TESC: variants seen among roughly 807,000 people sequenced by gnomAD.
The protein encoded by TESC is tescalcin.
A neutral mutation model predicts 31.0 loss-of-function variants in TESC; 19 were observed. The observed-to-expected ratio is 0.61, with a 90% confidence interval of 0.43 to 0.90. The LOEUF (loss-of-function observed/expected upper bound fraction) is 0.90, where lower values mean the gene tolerates loss of function less well. Ranked by LOEUF, TESC falls within the 40% of genes least tolerant of loss-of-function variation. TESC has a pLI of 0.00. For missense variants in TESC, 248 were observed against 303.8 expected (o/e 0.82, Z 1.36); for synonymous variants, 109 against 114.8 (o/e 0.95, Z 0.32).
intron 2 of TESC, among the ~76,000 whole-genome samples, chr12:117,070,900 G>C (rs932791145): frequency 6.6e-6 from 1 of 152,168 alleles, no homozygotes; most frequent in African/African-American, 2.4e-5. Flanking sequence ...GAGCCTGGGA[G>C]GTCAAGGCTG....
chr12:117,066,274 T>C (rs1309237330), intron 2 of TESC, among the ~76,000 whole-genome samples: 1 of 146,448 alleles, frequency 6.8e-6, no homozygotes, highest in Non-Finnish European at 1.5e-5. Context: ...TGGTGCGATT[T>C]TGGCTCACTG....
chr12:117,062,125 G>T (rs1044901973), intron 2 of TESC, among the ~76,000 whole-genome samples: 1 of 152,038 alleles, frequency 6.6e-6, no homozygotes, highest in Non-Finnish European at 1.5e-5. Flanking sequence ...GCTAACCTAC[G>T]TACCCTCAAA....
chr12:117,042,592 G>A (rs905484068), intron 6 of TESC, among the ~76,000 whole-genome samples: 12 of 152,230 alleles, frequency 7.9e-5, no homozygotes, highest in African/African-American at 2.9e-4. Flanking sequence ...GCCAGAGGGT[G>A]GCCACAAGGA....
At chr12:117,042,851 C>A (rs992181001) in intron 6 of TESC, among the ~76,000 whole-genome samples, 8 of 152,202 alleles carry the variant, frequency 5.3e-5, no homozygotes. Context: ...CCCACGCAAC[C>A]ATTAACCATT....
chr12:117,058,127 C>T (rs1422910130), intron 2 of TESC, among the ~76,000 whole-genome samples: 1 of 152,026 alleles, frequency 6.6e-6, no homozygotes, highest in Non-Finnish European at 1.5e-5. Context: ...ACCTCAGACA[C>T]AAGAGTTGCT....
chr12:117,093,995 G>A (rs897572413), intron 1 of TESC, among the ~76,000 whole-genome samples: 2 of 152,048 alleles, frequency 1.3e-5, no homozygotes, highest in East Asian at 3.9e-4. Context: ...AACTGACTCA[G>A]GTGAATAATT....
intron 2 of TESC, among the ~76,000 whole-genome samples, chr12:117,064,169 G>A (rs1283721261): frequency 6.6e-6 from 1 of 152,098 alleles, no homozygotes; most frequent in Non-Finnish European, 1.5e-5. Context: ...CTCCCGCCTT[G>A]GCCTCCCAAA....
At chr12:117,059,465 G>C (rs772771786) in intron 2 of TESC, among the ~76,000 whole-genome samples, 5 of 152,206 alleles carry the variant, frequency 3.3e-5, no homozygotes, top group Admixed American at 6.5e-5. Flanking sequence ...AAAAGAAGGA[G>C]GTAGACTCGG....
Position 117,056,485 on chromosome 12 carries a change from A to G in TESC, c.209+321T>C, listed in dbSNP as rs553639317. 2.5e-3 allele frequency among the ~76,000 whole-genome samples: 373 copies of G among 151,646 alleles called. 3 individuals carry two copies. The highest frequency in any genetic ancestry group is 8.5e-3 in the African/African-American group (351 of 41,168). Reference sequence around the variant, plus strand: ...AACTTCTGGCCTCAAGTATCCTCCCACCGCAGCCTCCCCAGCAGCTGAGAC... The same window carrying G: ...AACTTCTGGCCTCAAGTATCCTCCCGCCGCAGCCTCCCCAGCAGCTGAGAC... On this transcript the variant is annotated intron_variant, in intron 3 of 7. Transcript: ENST00000335209.
At chr12:117,046,399 G>A in intron 6 of TESC, 160 bp downstream of exon 6, 2 of 680,682 alleles carry the variant, frequency 2.9e-6, no homozygotes, top group Non-Finnish European at 2.4e-6. Context: ...TCAGTCTCCT[G>A]GGGGACAGGA....
intron 1 of TESC, among the ~76,000 whole-genome samples, chr12:117,095,603 C>A (rs1161984436): frequency 1.3e-5 from 2 of 152,188 alleles, no homozygotes; most frequent in Middle Eastern, 3.2e-3. Flanking sequence ...TGGGGCCAGG[C>A]ATGGTGGCTC....
intron 1 of TESC, among the ~76,000 whole-genome samples, chr12:117,098,977 C>G (rs1436303559): frequency 6.6e-6 from 1 of 152,044 alleles, no homozygotes; most frequent in African/African-American, 2.4e-5. Flanking sequence ...GTCCGCAGTC[C>G]CCCGGCCAGG....
chr12:117,050,550 G>A (rs1388914287), intron 3 of TESC, among the ~76,000 whole-genome samples: 1 of 152,238 alleles, frequency 6.6e-6, no homozygotes, highest in Non-Finnish European at 1.5e-5. Context: ...TGGGGACACA[G>A]GGAGTTCATG....
chr12:117,059,489 G>C (rs1288467448), intron 2 of TESC, among the ~76,000 whole-genome samples: 1 of 152,228 alleles, frequency 6.6e-6, no homozygotes, highest in Admixed American at 6.5e-5. Context: ...AGCTGGCCCA[G>C]AGAGATGGGA....
intron 2 of TESC, among the ~76,000 whole-genome samples, chr12:117,070,958 G>A (rs778364092): frequency 9.1e-5 from 13 of 143,228 alleles, no homozygotes; most frequent in Admixed American, 4.5e-4. Context: ...GCAACACAGC[G>A]AGACTCTGTC....
chr12:117,046,931 A>G, intron 4 of TESC, 93 bp from the exon 5 acceptor site: 1 of 1,354,704 alleles, frequency 7.4e-7, no homozygotes, highest in Non-Finnish European at 1.0e-6. Context: ...AAAGACACCA[A>G]TAACCAAACC....
At chr12:117,098,615 C>A (rs532408320) in intron 1 of TESC, 1 of 152,262 alleles carries the variant, frequency 6.6e-6, no homozygotes, top group South Asian at 2.1e-4. Context: ...GGAGACTCAG[C>A]GAACTCAGGG....
intron 1 of TESC, chr12:117,083,859 G>T (rs891043602): frequency 6.6e-6 from 1 of 152,208 alleles, no homozygotes. Context: ...CACTTTGGGA[G>T]GCTGAGGCGG....
chr12:117,044,748 T>G (rs1451305792), intron 6 of TESC, among the ~76,000 whole-genome samples: 1 of 152,024 alleles, frequency 6.6e-6, no homozygotes, highest in Non-Finnish European at 1.5e-5. Context: ...AATACAAAAA[T>G]TAGCCGGGCG....
Sources: allele counts gnomAD v4.1 joint callset (sites outside exome capture counted in the v4.1 genomes callset), GRCh38; gene constraint gnomAD v4.1.1; transcripts MANE v1.5; gene names NCBI Gene and HGNC (gene_info 2026-07-23, HGNC 2026-07-21).